Variants in ATG101 observed in about 807,000 individuals in gnomAD.
ATG101 encodes autophagy related 101.
ATG101 carries 6 observed loss-of-function variants against 16.7 expected under a neutral mutation model. That is an observed-to-expected ratio of 0.36 (90% CI 0.20 to 0.71). The LOEUF (loss-of-function observed/expected upper bound fraction) is 0.71, where lower values mean the gene tolerates loss of function less well. Ranked by LOEUF, ATG101 falls within the 30% of genes least tolerant of loss-of-function variation. ATG101 has a pLI of 0.57. For missense variants in ATG101, 200 were observed against 292.5 expected (o/e 0.68, Z 2.31); for synonymous variants, 108 against 118.1 (o/e 0.91, Z 0.56).
Position 52,076,911 on chromosome 12 carries a change from G to A in ATG101, c.378G>A (p.Val126=), listed in dbSNP as rs1195497624. 3 of 1,614,098 alleles carry A rather than the reference G, an allele frequency of 1.9e-6. No homozygotes were observed. The highest frequency in any genetic ancestry group is 1.7e-5 in the Admixed American group (1 of 60,000). Residue 126 remains valine (V), a synonymous_variant, in exon 4 of 4, where the codon GTG becomes GTA. Coordinates refer to ENST00000336854, the MANE Select transcript of ATG101 (RefSeq NM_021934.5). ...CIPWEVWTVK[V]HVVALATEQE... ...CATGGGAAGTGTGGACGGTCAAGGT[G>A]CATGTGGTAGCCCTGGCCACGGAGC...
upstream of ATG101, among the ~76,000 whole-genome samples, chr12:52,066,992 G>T (rs1939557855): frequency 6.6e-6 from 1 of 152,196 alleles, no homozygotes; most frequent in African/African-American, 2.4e-5. Flanking sequence ...CTCCCGAAGA[G>T]GTCGCTGGTG....
chr12:52,068,395 T>A (rs1450626932), upstream of ATG101, among the ~76,000 whole-genome samples: 1 of 151,852 alleles, frequency 6.6e-6, no homozygotes, highest in Non-Finnish European at 1.5e-5. Context: ...TGTTTTGTCA[T>A]TCAGCCTGCA....
intron 3 of ATG101, among the ~76,000 whole-genome samples, chr12:52,075,507 A>T (rs777855427): frequency 2.0e-5 from 3 of 152,230 alleles, no homozygotes; most frequent in Non-Finnish European, 4.4e-5. Flanking sequence ...AACATTACAG[A>T]TGCATTAGCC....
At chr12:52,074,845 G>C (rs986928198) in intron 3 of ATG101, among the ~76,000 whole-genome samples, 2 of 152,196 alleles carry the variant, frequency 1.3e-5, no homozygotes, top group African/African-American at 2.4e-5. Flanking sequence ...TCTAGTTCCA[G>C]ACGCTTGAGC....
upstream of ATG101, among the ~76,000 whole-genome samples, chr12:52,068,103 G>A (rs1465199016): frequency 1.5e-4 from 22 of 149,102 alleles, no homozygotes; most frequent in Non-Finnish European, 2.8e-4. Context: ...CTGGAGTGCC[G>A]TGGTGCAGTC....
chr12:52,075,113 A>T lies in ATG101; in HGVS notation c.252+1211A>T, dbSNP rs148753337. On this transcript the variant is annotated intron_variant, in intron 3 of 3. Transcript: ENST00000336854. ...GAGCTGTGTGTCTGACTTTCATTCC[A>T]TAAATATTTGCAGAGCCCTTCACTG... 2.0e-3 allele frequency among the ~76,000 whole-genome samples: 298 copies of T among 152,282 alleles called. 1 individual carries two copies. The highest frequency in any genetic ancestry group is 6.8e-3 in the African/African-American group (282 of 41,562).
At chr12:52,065,825 T>C (rs1460729858), upstream of ATG101, among the ~76,000 whole-genome samples, 1 of 152,154 alleles carries the variant, frequency 6.6e-6, no homozygotes, top group African/African-American at 2.4e-5. Context: ...ACACACATAA[T>C]GTAGAGAGAG....
chr12:52,069,450 T>G (rs1417696178), upstream of ATG101: 1 of 152,282 alleles, frequency 6.6e-6, no homozygotes, highest in Non-Finnish European at 1.5e-5. Flanking sequence ...ACTCAAGTTT[T>G]GCCATCCACT....
chr12:52,066,890 C>G (rs1391158627), upstream of ATG101, among the ~76,000 whole-genome samples: 1 of 152,206 alleles, frequency 6.6e-6, no homozygotes, highest in Non-Finnish European at 1.5e-5. Context: ...CACTCCAGGA[C>G]TGGTTCCAAC....
Position 52,077,196 on chromosome 12 carries a change from G to A in ATG101, c.*6G>A, listed in dbSNP as rs374253470. 19 of 1,609,038 alleles carry A rather than the reference G, an allele frequency of 1.2e-5. No individual in the cohort carries two copies. The highest frequency in any genetic ancestry group is 2.2e-5 in the South Asian group (2 of 90,960). On this transcript the variant is annotated 3_prime_UTR_variant, in exon 4 of 4. Transcript: ENST00000336854. ...AAGACACCCTTGCCCTCTGAGCGTC[G>A]CTGGATCTCTGGGAGCTCCTTGATG... is the stretch of plus-strand genomic sequence containing the variant.
At chr12:52,075,756 G>T (rs1939721363) in intron 3 of ATG101, among the ~76,000 whole-genome samples, 1 of 152,232 alleles carries the variant, frequency 6.6e-6, no homozygotes, top group Non-Finnish European at 1.5e-5. Context: ...AGAGGGAGAA[G>T]TGCCAGGTCT....
At chr12:52,076,731 C>T in intron 3 of ATG101, 55 bp from the exon 4 acceptor site, 1 of 1,579,006 alleles carries the variant, frequency 6.3e-7, no homozygotes, top group Non-Finnish European at 8.6e-7. Flanking sequence ...GAAGCAGGCC[C>T]TCACAGGTGG....
At chr12:52,074,950 C>T (rs1483065884) in intron 3 of ATG101, among the ~76,000 whole-genome samples, 1 of 152,118 alleles carries the variant, frequency 6.6e-6, no homozygotes, top group Non-Finnish European at 1.5e-5. Context: ...CAGAGCAAAA[C>T]CCTGTCTCCA....
upstream of ATG101, among the ~76,000 whole-genome samples, chr12:52,068,664 G>C (rs1022930160): frequency 6.6e-6 from 1 of 152,054 alleles, no homozygotes; most frequent in African/African-American, 2.4e-5. Flanking sequence ...GCCAGAAAAT[G>C]AGCATGGTAA....
At chr12:52,076,631 G>A (rs759406618) in intron 3 of ATG101, among the ~76,000 whole-genome samples, 155 bp from the exon 4 acceptor site, 2 of 152,198 alleles carry the variant, frequency 1.3e-5, no homozygotes, top group African/African-American at 2.4e-5. Flanking sequence ...GTGTCACTAA[G>A]CCCAAATCGT....
upstream of ATG101, among the ~76,000 whole-genome samples, chr12:52,066,561 A>T (rs556616826): frequency 2.0e-5 from 3 of 152,328 alleles, no homozygotes; most frequent in South Asian, 6.2e-4. Context: ...AAAATTAAGC[A>T]TCACAGGAAA....
intron 2 of ATG101, among the ~76,000 whole-genome samples, chr12:52,072,816 A>G (rs1400040753): frequency 1.3e-5 from 2 of 151,866 alleles, no homozygotes; most frequent in South Asian, 2.1e-4. Flanking sequence ...TTTGTCACTC[A>G]GGCTGGAGCA....
chr12:52,072,806 T>C lies in ATG101; in HGVS notation c.-76-769T>C, dbSNP rs148020325. On this transcript the variant is annotated intron_variant, in intron 2 of 3. Coordinates refer to ENST00000336854, the MANE Select transcript of ATG101 (RefSeq NM_021934.5). Reference sequence around the variant, plus strand: ...TGTTTTTTTTGAGACAGGGTCTCGCTTTGTCACTCAGGCTGGAGCACAGTG... The same window carrying C: ...TGTTTTTTTTGAGACAGGGTCTCGCCTTGTCACTCAGGCTGGAGCACAGTG... Among the ~76,000 whole-genome samples, 781 of 152,210 alleles carry C rather than the reference T, an allele frequency of 5.1e-3. 5 individuals are homozygous for C. Among genetic ancestry groups the C allele is most frequent in the African/African-American group, 0.016 (652 of 41,502 alleles).
At chr12:52,071,607 A>T (rs1040094781) in intron 2 of ATG101, among the ~76,000 whole-genome samples, 7 of 152,144 alleles carry the variant, frequency 4.6e-5, no homozygotes, top group African/African-American at 1.7e-4. Context: ...TCTTGAGCTC[A>T]GGAGTTCGAG....
Sources: gnomAD v4.1 joint callset for allele counts (sites outside exome capture counted in the v4.1 genomes callset) on GRCh38, gnomAD v4.1.1 for gene constraint, MANE v1.5 for transcripts, NCBI Gene and HGNC (gene_info 2026-07-23, HGNC 2026-07-21) for gene names.